Variants in UPF1 observed in about 807,000 individuals in gnomAD.
UPF1 encodes UPF1 RNA helicase and ATPase, also known as regulator of nonsense transcripts 1.
Under a neutral mutation model 129.2 loss-of-function variants are expected in UPF1, and 9 were observed. The ratio of observed to expected loss-of-function variants is 0.07; its 90% CI spans 0.04 to 0.12. The LOEUF is 0.12. Among genes scored for constraint, UPF1 ranks in the 10% least tolerant of loss-of-function variants. The pLI is 1.00. For missense variants in UPF1, 788 were observed against 1,525.3 expected (o/e 0.52, Z 8.05); for synonymous variants, 649 against 644.9 (o/e 1.01, Z -0.10).
At chr19:18,844,292 T>G (rs3787046) in intron 1 of UPF1, among the ~76,000 whole-genome samples, 317 of 30,244 alleles carry the variant, frequency 0.01, 1 homozygote, top group East Asian at 0.089. Flanking sequence ...CTGCTTTTTT[T>G]GGGGGCCGGG....
chr19:18,832,633 G>A lies in UPF1; in HGVS notation c.231+193G>A, dbSNP rs1430868941. Reference sequence around the variant, plus strand: ...GCCCCAGGTCCTGCAATCTGCCCGGGCCTGGCCTGATCTGCCCCGGGTCCC... The same window carrying A: ...GCCCCAGGTCCTGCAATCTGCCCGGACCTGGCCTGATCTGCCCCGGGTCCC... On this transcript the variant is annotated intron_variant, in intron 1 of 23. Transcript: ENST00000262803. This position sits in a 1 kb window ranked among gnomAD's most constrained non-coding sequence, Gnocchi z 5.6. 6.6e-6 allele frequency among the ~76,000 whole-genome samples: 1 copy of A among 152,182 alleles called. No individual in the cohort carries two copies. Among genetic ancestry groups the A allele is most frequent in the Admixed American group, 6.5e-5 (1 of 15,282 alleles).
intron 1 of UPF1, among the ~76,000 whole-genome samples, chr19:18,843,716 C>CTT (rs2055566935): frequency 1.7e-5 from 2 of 119,696 alleles, no homozygotes; most frequent in African/African-American, 3.8e-5. Context: ...GTTGGCCAGG[C>CTT]TTGTGTGTGT....
intron 1 of UPF1, among the ~76,000 whole-genome samples, chr19:18,838,130 G>T (rs542142988): frequency 1.3e-5 from 2 of 152,352 alleles, no homozygotes; most frequent in African/African-American, 4.8e-5. Context: ...TATGACCAAG[G>T]CGGGGTGAGT....
chr19:18,866,129 A>G lies in UPF1; in HGVS notation c.3323A>G (p.Gln1108Arg). The change falls in exon 23 of 24, where the codon CAG (glutamine) becomes CGG (arginine). Residue 1108 changes from glutamine (Q) to arginine (R), a missense_variant. Physicochemically the swap from Gln to Arg is conservative, Grantham distance 43 (BLOSUM62 1). This residue lies in a region of UPF1 where 218 missense variants were observed against 318.1 expected (regional missense o/e 0.69). Coordinates refer to ENST00000262803, the MANE Select transcript of UPF1 (RefSeq NM_002911.4). The stretch of plus-strand genomic sequence containing the variant: ...ACGTACCAGGGAGAGCGGGCTTACC[A>G]GCATGGCGGGGTGACGGGGCTGTCC... ...DSTYQGERAY[Q>R]HGGVTGLSQY is the part of the protein sequence containing the mutation. 2 of 1,611,858 alleles carry G rather than the reference A, an allele frequency of 1.2e-6. No individual in the cohort carries two copies. Among genetic ancestry groups the G allele is most frequent in the Non-Finnish European group, 8.5e-7 (1 of 1,179,238 alleles).
intron 18 of UPF1, 34 bp from the exon 19 acceptor site, chr19:18,863,404 C>T (rs901757780): frequency 4.4e-6 from 7 of 1,600,202 alleles, no homozygotes; most frequent in Non-Finnish European, 6.0e-6. Flanking sequence ...GGCAGCTCTC[C>T]ACCTGCGTCC....
rs2055661491 is a variant in UPF1 at position 18,851,806 on chromosome 19, G to A, written c.811-329G>A. Among the ~76,000 whole-genome samples the A allele has an allele frequency of 6.6e-6, 1 of 152,272 alleles. No homozygotes were observed. Among genetic ancestry groups the A allele is most frequent in the Non-Finnish European group, 1.5e-5 (1 of 68,050 alleles). On this transcript the variant is annotated intron_variant, in intron 5 of 23. Coordinates refer to ENST00000262803, the MANE Select transcript of UPF1 (RefSeq NM_002911.4). This position sits in a 1 kb window ranked among gnomAD's most constrained non-coding sequence, Gnocchi z 4.2. ...TTGGAGGAAGCAGCTGGCTCTGAAG[G>A]TGCCCTCTGCTGTGGACAGTGTGTC...
chr19:18,849,851 A>T, intron 3 of UPF1: 1 of 578,788 alleles, frequency 1.7e-6, no homozygotes, highest in Non-Finnish European at 3.1e-6. Context: ...GAACCGTGTT[A>T]AGGAAGTTTT....
Position 18,865,996 on chromosome 19 carries a change from G to A in UPF1, c.3238-48G>A. 1 of 1,609,938 alleles carries A rather than the reference G, an allele frequency of 6.2e-7. No homozygotes were observed. Among genetic ancestry groups the A allele is most frequent in the Non-Finnish European group, 8.5e-7 (1 of 1,178,932 alleles). On this transcript the variant is annotated intron_variant, in intron 22 of 23. Coordinates refer to ENST00000262803, the MANE Select transcript of UPF1 (RefSeq NM_002911.4). This position sits in a 1 kb window ranked among gnomAD's most constrained non-coding sequence, Gnocchi z 6.1. ...GGGCTGCTGAGGGCTGGGTGGATGT[G>A]AGCACCCTTGGCCTGTGGCTTGCTT...
chr19:18,848,109 G>T (rs2055619522), intron 3 of UPF1: 2 of 391,700 alleles, frequency 5.1e-6, no homozygotes, highest in Non-Finnish European at 9.5e-6. Flanking sequence ...TGCAAGATGA[G>T]CTCTTGGCAC....
At chr19:18,860,715 G>A (rs1601125623) in intron 16 of UPF1, 111 bp from the exon 17 acceptor site, 1 of 1,462,768 alleles carries the variant, frequency 6.8e-7, no homozygotes. Flanking sequence ...AAACGCCAGT[G>A]ATGGCAGCTG....
chr19:18,844,732 C>A (rs1442983522), intron 1 of UPF1, among the ~76,000 whole-genome samples: 1 of 152,196 alleles, frequency 6.6e-6, no homozygotes, highest in Non-Finnish European at 1.5e-5. Context: ...ACCCTCTTGT[C>A]CTTCACCCAT....
At chr19:18,839,583 C>T (rs1457618096) in intron 1 of UPF1, among the ~76,000 whole-genome samples, 2 of 152,216 alleles carry the variant, frequency 1.3e-5, no homozygotes, top group African/African-American at 2.4e-5. Context: ...AGACTGAGCC[C>T]TGCCCTGGGG....
chr19:18,844,506 C>A (rs1303875321), intron 1 of UPF1, among the ~76,000 whole-genome samples: 1 of 133,246 alleles, frequency 7.5e-6, no homozygotes, highest in Non-Finnish European at 1.6e-5. Flanking sequence ...TTTTTTTTTG[C>A]CTTTTTAGTA....
At chr19:18,863,890 G>T (rs1024813283) in intron 19 of UPF1, among the ~76,000 whole-genome samples, 2 of 152,190 alleles carry the variant, frequency 1.3e-5, no homozygotes, top group Non-Finnish European at 2.9e-5. Context: ...GACACGGGCA[G>T]TTGGAAGCTT....
rs1189194959 is a variant in UPF1, at chr19:18,850,179, G to A, written c.566G>A (p.Arg189His). The change falls in exon 4 of 24, where the codon CGC becomes CAC. Residue 189 changes from arginine (R) to histidine (H), a missense_variant. Around this residue, in one of 6 missense-constraint regions of UPF1, gnomAD observed 227 missense variants for 517.9 expected, o/e 0.44. Transcript: ENST00000262803. This position sits in a 1 kb window ranked among gnomAD's most constrained non-coding sequence, Gnocchi z 7.1. ...TVLECYNCGCRNVFLLGFIPA... is the reference protein window; with the variant it reads ...TVLECYNCGCHNVFLLGFIPA... ...CTGGAGTGCTACAACTGCGGCTGTC[G>A]CAACGTCTTCCTCCTCGGCTTCATC... 2 of 1,613,774 alleles carry A rather than the reference G, an allele frequency of 1.2e-6. No individual in the cohort carries two copies. The highest frequency in any genetic ancestry group is 1.7e-6 in the Non-Finnish European group (2 of 1,179,876).
chr19:18,855,010 A>C lies in UPF1; in HGVS notation c.1397A>C (p.Gln466Pro). 6.2e-7 allele frequency: 1 copy of C among 1,614,042 alleles called. No homozygotes were observed. The highest frequency in any genetic ancestry group is 8.5e-7 in the Non-Finnish European group (1 of 1,180,030). The change falls in exon 10 of 24, where the codon CAG becomes CCG. Residue 466 changes from glutamine to proline, a missense_variant. Physicochemically the swap from Gln to Pro is moderately conservative, Grantham distance 76. Coordinates refer to ENST00000262803, the MANE Select transcript of UPF1 (RefSeq NM_002911.4). ...CAGCTGCCCAAGCGCTTCACGGCGC[A>C]GGGCCTCCCCGACCTCAACCACTCC... ...KCQLPKRFTA[Q>P]GLPDLNHSQV...
At chr19:18,836,673 A>G (rs1243494434) in intron 1 of UPF1, among the ~76,000 whole-genome samples, 4 of 151,778 alleles carry the variant, frequency 2.6e-5, no homozygotes, top group Non-Finnish European at 4.4e-5. Context: ...CACACTAAAC[A>G]TTTGCAGCTT....
At position 18,850,376 on chromosome 19, in the gene UPF1, G is replaced by A. The variant is rs2055645085; in HGVS notation, c.629+134G>A. The A allele has an allele frequency of 7.7e-7, 1 of 1,302,252 alleles. No individual in the cohort carries two copies. Among genetic ancestry groups the A allele is most frequent in the Admixed American group, 2.8e-5 (1 of 35,496 alleles). 80.7% of individuals were successfully genotyped at this position (1,302,252 alleles called of 1,614,324 possible). On this transcript the variant is annotated intron_variant, in intron 4 of 23. Coordinates refer to ENST00000262803, the MANE Select transcript of UPF1 (RefSeq NM_002911.4). This position sits in a 1 kb window ranked among gnomAD's most constrained non-coding sequence, Gnocchi z 7.1. ...CCTCCAAAGATGGTTTTTGCTGAAGGGTGAGGCATGAGAGCGTTTAGGCGC... is the reference window on the plus strand; with the variant it reads ...CCTCCAAAGATGGTTTTTGCTGAAGAGTGAGGCATGAGAGCGTTTAGGCGC...
At position 18,863,464 on chromosome 19, in the gene UPF1, C is replaced by T. The variant is rs1053729454; in HGVS notation, c.2627C>T (p.Pro876Leu). ...ARYGVIIVGN[P>L]KALSKQPLWN... ...TATGGCGTCATCATTGTGGGCAACC[C>T]GAAGGCACTATCAAAGCAGCCGCTC... Residue 876 changes from proline to leucine, a missense_variant, in exon 19 of 24, where the codon CCG (proline) becomes CTG (leucine). Transcript: ENST00000262803. 1.2e-6 allele frequency: 2 copies of T among 1,613,746 alleles called. No individual in the cohort carries two copies. Among genetic ancestry groups the T allele is most frequent in the Non-Finnish European group, 1.7e-6 (2 of 1,179,780 alleles).
Sources: allele counts gnomAD v4.1 joint callset (sites outside exome capture counted in the v4.1 genomes callset), GRCh38; gene constraint gnomAD v4.1.1; regional missense constraint gnomAD v4.1.1; non-coding constraint Gnocchi (gnomAD v3.1); transcripts MANE v1.5; gene names NCBI Gene and HGNC (gene_info 2026-07-23, HGNC 2026-07-21).